ACTR10: variants seen among roughly 807,000 people sequenced by gnomAD.
ACTR10 encodes the protein actin-related protein 10.
In ACTR10, 43 loss-of-function variants were observed where a neutral mutation model predicts 56.2. That is an observed-to-expected ratio of 0.77 (90% CI 0.60 to 0.99). ACTR10 has a LOEUF of 0.99. Among genes scored for constraint, ACTR10 ranks in the 50% least tolerant of loss-of-function variants. The probability of loss-of-function intolerance (pLI) is 0.00; values close to 1 mark genes in which losing one functional copy is unlikely to be tolerated. For synonymous variants in ACTR10, 170 were observed against 176.3 expected (o/e 0.96, Z 0.28); for missense variants, 466 against 507.8 (o/e 0.92, Z 0.79).
chr14:58,208,975 A>C (rs113113758), intron 3 of ACTR10, 24 bp from the exon 4 acceptor site: 11 of 1,547,494 alleles, frequency 7.1e-6, no homozygotes, highest in Non-Finnish European at 9.7e-6. Flanking sequence ...TTTTACTTTT[A>C]AAACCAAAAC....
chr14:58,220,587 C>A (rs1889242137), intron 8 of ACTR10, among the ~76,000 whole-genome samples: 1 of 152,152 alleles, frequency 6.6e-6, no homozygotes, highest in Non-Finnish European at 1.5e-5. Context: ...CCATTTCTAT[C>A]CTCCGTGATA....
Position 58,232,150 on chromosome 14 carries a change from T to C in ACTR10, c.955T>C (p.Leu319=), listed in dbSNP as rs1594816469. 1.9e-6 allele frequency: 3 copies of C among 1,613,868 alleles called. No individual in the cohort carries two copies. The East Asian group carries it at 6.7e-5, about 36-fold the overall frequency. ...TSMLPGFLHR[L]LAEIRYLVEK... ...TATGTTGCCAGGATTTCTCCACAGA[T>C]TGCTTGCAGAAATAAGGTATTTGGT... The change falls in exon 12 of 13, where the codon TTG becomes CTG. Residue 319 remains leucine, a synonymous_variant. Transcript: ENST00000254286.
At chr14:58,218,535 A>T (rs566418904) in intron 7 of ACTR10, among the ~76,000 whole-genome samples, 1 of 152,212 alleles carries the variant, frequency 6.6e-6, no homozygotes, top group African/African-American at 2.4e-5. Context: ...TACTTACTAA[A>T]GATAAAAATC....
intron 8 of ACTR10, among the ~76,000 whole-genome samples, chr14:58,223,093 C>T (rs1438271171): frequency 6.6e-6 from 1 of 151,904 alleles, no homozygotes; most frequent in African/African-American, 2.4e-5. Context: ...TTTATGACAC[C>T]TTAGTCAATG....
At chr14:58,212,407 C>G (rs1004433627) in intron 5 of ACTR10, among the ~76,000 whole-genome samples, 2 of 151,940 alleles carry the variant, frequency 1.3e-5, no homozygotes, top group Non-Finnish European at 2.9e-5. Context: ...TAGAATTGTC[C>G]TAGTGGACAT....
Position 58,219,927 on chromosome 14 carries a change from T to A in ACTR10, c.634+198T>A, listed in dbSNP as rs112968841. Among the ~76,000 whole-genome samples the A allele has an allele frequency of 7.9e-3, 1,208 of 152,290 alleles. 26 individuals carry two copies. Among genetic ancestry groups the A allele is most frequent in the African/African-American group, 0.027 (1,115 of 41,564 alleles). On this transcript the variant is annotated intron_variant, in intron 8 of 12. Transcript: ENST00000254286. ...TAGGGAAGCTGTGGCATAGTGATGA[T>A]GTGTTACTGAAGCAGCTTCTCAATT... is the stretch of plus-strand genomic sequence containing the variant.
intron 1 of ACTR10, among the ~76,000 whole-genome samples, chr14:58,200,730 T>TAAAC (rs1206742316): frequency 6.6e-6 from 1 of 152,190 alleles, no homozygotes; most frequent in Non-Finnish European, 1.5e-5. Flanking sequence ...GGAAAGATGT[T>TAAAC]TAAGACAGGG....
Position 58,232,124 on chromosome 14 carries a change from C to G in ACTR10, c.929C>G (p.Ser310Cys). 1.2e-6 allele frequency: 2 copies of G among 1,613,886 alleles called. No individual in the cohort carries two copies. The highest frequency in any genetic ancestry group is 1.7e-6 in the Non-Finnish European group (2 of 1,179,930). Residue 310 changes from serine to cysteine, a missense_variant, in exon 12 of 13, where the codon TCT becomes TGT. Coordinates refer to ENST00000254286, the MANE Select transcript of ACTR10 (RefSeq NM_018477.3). Reference protein sequence around the residue: ...AENLVVIGGTSMLPGFLHRLL... With the variant: ...AENLVVIGGTCMLPGFLHRLL... Reference sequence around the variant, plus strand: ...AATTTGGTAGTCATAGGTGGCACTTCTATGTTGCCAGGATTTCTCCACAGA... The same window carrying G: ...AATTTGGTAGTCATAGGTGGCACTTGTATGTTGCCAGGATTTCTCCACAGA...
intron 4 of ACTR10, among the ~76,000 whole-genome samples, chr14:58,210,933 C>T (rs1388385039): frequency 6.6e-6 from 1 of 152,188 alleles, no homozygotes; most frequent in Non-Finnish European, 1.5e-5. Context: ...CCTCAGCCTC[C>T]CAAAGTGCTG....
chr14:58,230,579 ATTTT>A, intron 11 of ACTR10, 99 bp downstream of exon 11: 5 of 484,980 alleles, frequency 1.0e-5, no homozygotes, highest in Non-Finnish European at 1.8e-5. Flanking sequence ...GTCACATATT[ATTTT>A]TAATATGTGT....
chr14:58,225,040 G>T (rs1889365633), intron 10 of ACTR10, among the ~76,000 whole-genome samples: 1 of 151,692 alleles, frequency 6.6e-6, no homozygotes, highest in Non-Finnish European at 1.5e-5. Context: ...GGTCTCTGTT[G>T]CAACTACTCA....
chr14:58,207,935 G>T lies in ACTR10; in HGVS notation c.151-1G>T. On this transcript the variant is annotated splice_acceptor_variant, in intron 2 of 12. Transcript: ENST00000254286. LOFTEE classifies it high-confidence loss of function. ...TAATAAATCATTTTAATTTTTTACAGCCTGTCAGAGTTGTTCAGTATAATA... is the reference window on the plus strand; with the variant it reads ...TAATAAATCATTTTAATTTTTTACATCCTGTCAGAGTTGTTCAGTATAATA... 1 of 1,436,906 alleles carries T rather than the reference G, an allele frequency of 7.0e-7. No homozygotes were observed. Among genetic ancestry groups the T allele is most frequent in the South Asian group, 1.6e-5 (1 of 62,384 alleles). The allele number at this position is 1,436,906 out of a possible 1,614,324, so 89.0% of individuals were successfully genotyped here.
At chr14:58,226,235 C>T (rs1889395257) in intron 10 of ACTR10, among the ~76,000 whole-genome samples, 2 of 152,056 alleles carry the variant, frequency 1.3e-5, no homozygotes, top group Non-Finnish European at 2.9e-5. Context: ...CACTGTACTT[C>T]AGCCTGGGCA....
chr14:58,211,487 A>G (rs1210264760), intron 5 of ACTR10, 88 bp downstream of exon 5: 3 of 973,654 alleles, frequency 3.1e-6, no homozygotes, highest in Non-Finnish European at 4.8e-6. Context: ...TTTGTATTGT[A>G]CTGAACTATT....
At chr14:58,230,852 C>A (rs1486978831) in intron 11 of ACTR10, among the ~76,000 whole-genome samples, 3 of 151,810 alleles carry the variant, frequency 2.0e-5, no homozygotes, top group Non-Finnish European at 4.4e-5. Flanking sequence ...CCTCTGCCTC[C>A]CGGGTTCAAG....
At chr14:58,206,843 C>T (rs1381311975) in intron 2 of ACTR10, among the ~76,000 whole-genome samples, 2 of 152,062 alleles carry the variant, frequency 1.3e-5, no homozygotes, top group Non-Finnish European at 2.9e-5. Context: ...ATATCATAAG[C>T]AAGCCAGAAA....
rs1282137453 is a variant in ACTR10 at position 58,232,069 on chromosome 14, C to G, written c.874C>G (p.Pro292Ala). ...TLILDSLIQC[P>A]IDTRKQLAEN... Reference sequence around the variant, plus strand: ...CTTTTTTTCTTTTTAATAACAGTGTCCGATAGACACCAGGAAGCAACTAGC... The same window carrying G: ...CTTTTTTTCTTTTTAATAACAGTGTGCGATAGACACCAGGAAGCAACTAGC... The change falls in exon 12 of 13, where the codon CCG (proline) becomes GCG (alanine). Residue 292 changes from proline to alanine, a missense_variant. By Grantham distance (27) the Pro-to-Ala change is conservative. Transcript: ENST00000254286. The G allele has an allele frequency of 1.2e-6, 2 of 1,611,018 alleles. No homozygotes were observed. The highest frequency in any genetic ancestry group is 1.1e-5 in the South Asian group (1 of 90,790).
intron 12 of ACTR10, among the ~76,000 whole-genome samples, chr14:58,233,493 A>T (rs1370185583): frequency 6.6e-6 from 1 of 152,244 alleles, no homozygotes; most frequent in African/African-American, 2.4e-5. Flanking sequence ...AAGATACATC[A>T]TGAATGTATA....
intron 5 of ACTR10, among the ~76,000 whole-genome samples, chr14:58,212,867 T>C (rs957966190): frequency 6.6e-6 from 1 of 152,156 alleles, no homozygotes; most frequent in South Asian, 2.1e-4. Context: ...CATGTAATCC[T>C]AGCACCTTGG....
Sources: allele counts gnomAD v4.1 joint callset (sites outside exome capture counted in the v4.1 genomes callset), GRCh38; gene constraint gnomAD v4.1.1; transcripts MANE v1.5; gene names NCBI Gene and HGNC (gene_info 2026-07-23, HGNC 2026-07-21).